The following GALNT13 variants were observed in gnomAD, a reference collection of about 807,000 sequenced individuals.
The protein encoded by GALNT13 is polypeptide N-acetylgalactosaminyltransferase 13, also known as UDP-GalNAc:polypeptide N-acetylgalactosaminyltransferase 13.
A neutral mutation model predicts 64.2 loss-of-function variants in GALNT13; 28 were observed. The ratio of observed to expected loss-of-function variants is 0.44; its 90% CI spans 0.32 to 0.60. GALNT13 has a LOEUF of 0.60. GALNT13 is among the 20% of genes least tolerant of loss of function. The pLI, the probability that GALNT13 is intolerant of heterozygous loss-of-function variation, is 0.05. For missense variants in GALNT13, 577 were observed against 669.8 expected, an observed-to-expected ratio of 0.86 and a Z score of 1.53; for synonymous variants, 214 against 224.6, an observed-to-expected ratio of 0.95 and a Z score of 0.42.
At chr2:153,748,697 C>T in the GALNT13 span, among the ~76,000 whole-genome samples, 1 of 151,950 alleles carries the variant, frequency 6.6e-6, no homozygotes, top group Non-Finnish European at 1.5e-5. Context: ...GACTAGTTTG[C>T]AAATATTTTC....
the GALNT13 span, among the ~76,000 whole-genome samples, chr2:153,107,375 C>T: frequency 1.4e-3 from 217 of 152,200 alleles, no homozygotes; most frequent in African/African-American, 5.1e-3. Context: ...ATGTGTGTTT[C>T]CAGGCTTTTC....
At chr2:154,291,113 G>C (rs958603716) in intron 8 of GALNT13, among the ~76,000 whole-genome samples, 2 of 152,096 alleles carry the variant, frequency 1.3e-5, no homozygotes, top group African/African-American at 4.8e-5. Flanking sequence ...GGTTGCCGCG[G>C]CTGGCTTGGG....
At chr2:154,395,205 C>T (rs1348847993) in intron 9 of GALNT13, among the ~76,000 whole-genome samples, 3 of 151,932 alleles carry the variant, frequency 2.0e-5, no homozygotes. Context: ...CAATCAAATG[C>T]CAATATTAAT....
chr2:153,684,512 G>A, the GALNT13 span, among the ~76,000 whole-genome samples: 1 of 151,512 alleles, frequency 6.6e-6, no homozygotes. Flanking sequence ...TTTAGCCATG[G>A]GCAATGGTGT....
chr2:154,179,745 A>G (rs1282544567), intron 4 of GALNT13, among the ~76,000 whole-genome samples: 1 of 151,844 alleles, frequency 6.6e-6, no homozygotes, highest in Admixed American at 6.6e-5. Context: ...AGCTTCAAGT[A>G]CAATTTCATA....
At position 154,084,939 on chromosome 2, in the gene GALNT13, G is replaced by T. The variant is rs191585007; in HGVS notation, c.143-55398G>T. Among the ~76,000 whole-genome samples the T allele has an allele frequency of 4.6e-5, 7 of 151,814 alleles. No homozygotes were observed. In the East Asian group the frequency reaches 1.4e-3, roughly 29 times the overall value. The stretch of plus-strand genomic sequence containing the variant: ...GTTTACTTTTTTCTTCCTCAGTAAG[G>T]CAATTTAATTGCTTTCAAGTAATTT... On this transcript the variant is annotated intron_variant, in intron 3 of 12. Transcript: ENST00000392825.
chr2:153,367,531 A>C, the GALNT13 span, among the ~76,000 whole-genome samples: 2 of 152,240 alleles, frequency 1.3e-5, no homozygotes, highest in East Asian at 3.9e-4. Flanking sequence ...TGAAGCCAAT[A>C]TAATCAAAGG....
At chr2:153,093,008 G>T in the GALNT13 span, among the ~76,000 whole-genome samples, 26 of 151,362 alleles carry the variant, frequency 1.7e-4, no homozygotes, top group African/African-American at 5.1e-4. Flanking sequence ...TTTTTATTAT[G>T]TTGAGGTATA....
the GALNT13 span, among the ~76,000 whole-genome samples, chr2:153,116,299 G>A: frequency 2.4e-4 from 36 of 152,206 alleles, no homozygotes; most frequent in African/African-American, 7.0e-4. Context: ...GTGAAATATG[G>A]AGACTTTATA....
At chr2:153,995,381 G>T (rs1695453509) in intron 3 of GALNT13, among the ~76,000 whole-genome samples, 1 of 151,906 alleles carries the variant, frequency 6.6e-6, no homozygotes, top group South Asian at 2.1e-4. Flanking sequence ...AAATACCACT[G>T]CCTGTTCATT....
intron 4 of GALNT13, among the ~76,000 whole-genome samples, chr2:154,183,276 A>C (rs567278834): frequency 1.4e-4 from 22 of 152,296 alleles, no homozygotes; most frequent in African/African-American, 5.1e-4. Context: ...ATAGAAATTT[A>C]TCTCTTTCTG....
At position 154,438,240 on chromosome 2, in the gene GALNT13, A is replaced by G. The variant is rs151140830; in HGVS notation, c.1396-352A>G. On this transcript the variant is annotated intron_variant, in intron 11 of 12. Coordinates refer to ENST00000392825, the MANE Select transcript of GALNT13 (RefSeq NM_052917.4). ...TGGTCATACAATAGTAGGAACAGGG[A>G]CTGCCTTCACTGAGCTCCATGCAGT... 2.8e-3 allele frequency among the ~76,000 whole-genome samples: 425 copies of G among 152,340 alleles called. 3 individuals are homozygous for G. Among genetic ancestry groups the G allele is most frequent in the African/African-American group, 9.8e-3 (406 of 41,582 alleles).
At chr2:153,541,996 A>G in the GALNT13 span, among the ~76,000 whole-genome samples, 1 of 152,148 alleles carries the variant, frequency 6.6e-6, no homozygotes, top group African/African-American at 2.4e-5. Flanking sequence ...CTTGGCCCTG[A>G]CAAGTTGCAA....
intron 1 of GALNT13, among the ~76,000 whole-genome samples, chr2:153,873,038 T>G (rs1007494067): frequency 2.6e-5 from 4 of 152,232 alleles, no homozygotes; most frequent in Admixed American, 2.0e-4. Flanking sequence ...TTGCAACATT[T>G]GTTCTCTTTC....
chr2:154,035,098 A>G (rs1229017410), intron 3 of GALNT13, among the ~76,000 whole-genome samples: 6 of 152,114 alleles, frequency 3.9e-5, no homozygotes, highest in Non-Finnish European at 4.4e-5. Flanking sequence ...ACTATTCACA[A>G]TAGTAAAGAT....
the GALNT13 span, among the ~76,000 whole-genome samples, chr2:153,512,108 G>C: frequency 6.6e-6 from 1 of 152,104 alleles, no homozygotes; most frequent in Non-Finnish European, 1.5e-5. Context: ...GGAAGTCATG[G>C]AATTGGAAGG....
chr2:154,242,858 C>A lies in GALNT13; in HGVS notation c.639C>A (p.Cys213Ter). Reference protein sequence around the residue: ...VITFLDAHCECTLGWLEPLLA... With the variant: ...VITFLDAHCE The stretch of plus-strand genomic sequence containing the variant: ...CTTTTCTTGATGCACACTGTGAATG[C>A]ACGTTAGGATGGCTGGAGCCTTTGC... Residue 213 changes from cysteine (C) to a stop codon, truncating the protein, a stop_gained, in exon 6 of 13, where the codon TGC becomes TGA. Transcript: ENST00000392825. LOFTEE classifies it high-confidence loss of function. 1.2e-6 allele frequency: 2 copies of A among 1,614,108 alleles called. No individual in the cohort carries two copies. Among genetic ancestry groups the A allele is most frequent in the Non-Finnish European group, 1.7e-6 (2 of 1,180,008 alleles).
intron 3 of GALNT13, among the ~76,000 whole-genome samples, chr2:154,007,211 G>C (rs1231734137): frequency 6.6e-6 from 1 of 152,218 alleles, no homozygotes; most frequent in Non-Finnish European, 1.5e-5. Flanking sequence ...TAGACTTTGT[G>C]AGCAGCTGTC....
intron 3 of GALNT13, among the ~76,000 whole-genome samples, chr2:154,005,888 A>G (rs1431500300): frequency 1.3e-5 from 2 of 152,086 alleles, no homozygotes; most frequent in African/African-American, 4.8e-5. Flanking sequence ...GTGCTTTAGA[A>G]TTTTCCTTTT....
Sources: gnomAD v4.1 joint callset for allele counts (sites outside exome capture counted in the v4.1 genomes callset) on GRCh38, gnomAD v4.1.1 for gene constraint, MANE v1.5 for transcripts, NCBI Gene and HGNC (gene_info 2026-07-23, HGNC 2026-07-21) for gene names.